ADAMTS6: variants seen among roughly 807,000 people sequenced by gnomAD.
The protein encoded by ADAMTS6 is ADAM metallopeptidase with thrombospondin type 1 motif 6.
ADAMTS6 carries 23 observed loss-of-function variants against 144.3 expected under a neutral mutation model. The ratio of observed to expected loss-of-function variants is 0.16; its 90% CI spans 0.11 to 0.23. The LOEUF (loss-of-function observed/expected upper bound fraction) is 0.23. Ranked by LOEUF, ADAMTS6 falls within the 10% of genes least tolerant of loss-of-function variation. The pLI is 1.00. For missense variants in ADAMTS6, 999 were observed against 1,379.6 expected (o/e 0.72, Z 4.37); for synonymous variants, 444 against 457.5 (o/e 0.97, Z 0.38).
chr5:65,216,527 A>C (rs1432213566), intron 18 of ADAMTS6, among the ~76,000 whole-genome samples: 2 of 152,104 alleles, frequency 1.3e-5, no homozygotes, highest in Non-Finnish European at 1.5e-5. Flanking sequence ...TTAATTGTTC[A>C]CTTCAAATGG....
At chr5:65,223,553 A>G (rs1444185078) in intron 18 of ADAMTS6, among the ~76,000 whole-genome samples, 1 of 152,128 alleles carries the variant, frequency 6.6e-6, no homozygotes, top group Non-Finnish European at 1.5e-5. Flanking sequence ...AAATGAGATC[A>G]TGCAGTATTT....
At chr5:65,241,610 G>C (rs1182404744) in intron 15 of ADAMTS6, among the ~76,000 whole-genome samples, 1 of 152,070 alleles carries the variant, frequency 6.6e-6, no homozygotes, top group African/African-American at 2.4e-5. Context: ...ATCAGTGCCT[G>C]ATACATGCCC....
intron 6 of ADAMTS6, among the ~76,000 whole-genome samples, chr5:65,451,919 C>T (rs1700821545): frequency 6.6e-6 from 1 of 152,094 alleles, no homozygotes; most frequent in Admixed American, 6.5e-5. Flanking sequence ...TATACTGAAA[C>T]ATAGCTAATC....
chr5:65,430,146 CAAT>C (rs1412545274), intron 7 of ADAMTS6, among the ~76,000 whole-genome samples: 1 of 139,824 alleles, frequency 7.2e-6, no homozygotes, highest in African/African-American at 2.7e-5. Flanking sequence ...ATTTAAATAA[CAAT>C]AAAATTATCT....
chr5:65,162,996 A>C (rs1279206597), intron 24 of ADAMTS6, among the ~76,000 whole-genome samples: 2 of 152,088 alleles, frequency 1.3e-5, no homozygotes, highest in African/African-American at 4.8e-5. Context: ...TGCAGCCTCA[A>C]CTTCCTGAGT....
At chr5:65,415,659 T>TC in intron 7 of ADAMTS6, 1 of 274,460 alleles carries the variant, frequency 3.6e-6, no homozygotes, top group Non-Finnish European at 7.2e-6. Flanking sequence ...AGGATGAGGT[T>TC]TTGAAGATTA....
chr5:65,330,755 C>G (rs75503695), intron 8 of ADAMTS6, among the ~76,000 whole-genome samples: 2 of 151,898 alleles, frequency 1.3e-5, no homozygotes, highest in Non-Finnish European at 2.9e-5. Flanking sequence ...CTGTTTTATG[C>G]GAGACAGGCA....
At chr5:65,329,657 C>T (rs895338839) in intron 8 of ADAMTS6, among the ~76,000 whole-genome samples, 174 bp from the exon 9 acceptor site, 16 of 152,046 alleles carry the variant, frequency 1.1e-4, no homozygotes, top group African/African-American at 3.6e-4. Flanking sequence ...TTCACTTTGC[C>T]GGCTAGACAT....
chr5:65,237,650 G>T (rs187995836), intron 15 of ADAMTS6, among the ~76,000 whole-genome samples: 29 of 152,074 alleles, frequency 1.9e-4, no homozygotes, highest in Admixed American at 1.0e-3. Flanking sequence ...ATCATAAGAA[G>T]AATATTTACA....
At chr5:65,378,250 T>C (rs1289085989) in intron 7 of ADAMTS6, among the ~76,000 whole-genome samples, 1 of 152,176 alleles carries the variant, frequency 6.6e-6, no homozygotes, top group Non-Finnish European at 1.5e-5. Flanking sequence ...ATAAAAAGCA[T>C]TATTTTATTC....
At chr5:65,297,864 T>C (rs1742993511) in intron 10 of ADAMTS6, among the ~76,000 whole-genome samples, 1 of 152,156 alleles carries the variant, frequency 6.6e-6, no homozygotes, top group South Asian at 2.1e-4. Flanking sequence ...ACATCTATCT[T>C]TCATTAATAG....
intron 2 of ADAMTS6, 107 bp from the exon 3 acceptor site, chr5:65,471,249 CTATGAATCATTA>C (rs1760409780): frequency 8.7e-7 from 1 of 1,148,948 alleles, no homozygotes; most frequent in East Asian, 2.9e-5. Context: ...TCAATTAAAA[CTATGAATCATTA>C]TATGTGAGGT....
At chr5:65,269,790 C>CTT (rs897216515) in intron 12 of ADAMTS6, among the ~76,000 whole-genome samples, 15 of 133,206 alleles carry the variant, frequency 1.1e-4, no homozygotes, top group East Asian at 2.1e-4. Context: ...AGTGTAAGTA[C>CTT]TTTTTTTTTT....
intron 7 of ADAMTS6, among the ~76,000 whole-genome samples, chr5:65,442,806 C>G (rs988295500): frequency 1.1e-4 from 16 of 152,098 alleles, no homozygotes; most frequent in African/African-American, 3.9e-4. Flanking sequence ...TGCATCAGCT[C>G]TTTTCCCAAA....
At chr5:65,379,439 G>C (rs2150132615) in intron 7 of ADAMTS6, among the ~76,000 whole-genome samples, 1 of 152,308 alleles carries the variant, frequency 6.6e-6, no homozygotes, top group South Asian at 2.1e-4. Flanking sequence ...GATGTACAGA[G>C]TGTCACAAGG....
chr5:65,196,866 TAA>T (rs1483068173), intron 21 of ADAMTS6, among the ~76,000 whole-genome samples, 154 bp downstream of exon 21: 1 of 152,230 alleles, frequency 6.6e-6, no homozygotes, highest in African/African-American at 2.4e-5. Flanking sequence ...CTTTGCTCAC[TAA>T]AAGAGACATC....
chr5:65,157,741 G>T (rs191185547), intron 24 of ADAMTS6, among the ~76,000 whole-genome samples: 19 of 152,344 alleles, frequency 1.2e-4, no homozygotes, highest in African/African-American at 3.6e-4. Context: ...TGGCACAGGA[G>T]TTGGGGTGGG....
chr5:65,412,500 AG>A (rs989324698), intron 7 of ADAMTS6, among the ~76,000 whole-genome samples: 1 of 152,104 alleles, frequency 6.6e-6, no homozygotes, highest in Non-Finnish European at 1.5e-5. Flanking sequence ...ATGCCCTTTA[AG>A]TATTTCTAAA....
intron 13 of ADAMTS6, among the ~76,000 whole-genome samples, chr5:65,261,069 T>A (rs2112593336): frequency 6.6e-6 from 1 of 152,172 alleles, no homozygotes; most frequent in African/African-American, 2.4e-5. Context: ...GTTCACCAAC[T>A]AGGAAATGGA....
Sources: allele counts gnomAD v4.1 joint callset (sites outside exome capture counted in the v4.1 genomes callset), GRCh38; gene constraint gnomAD v4.1.1; transcripts MANE v1.5; gene names NCBI Gene and HGNC (gene_info 2026-07-23, HGNC 2026-07-21).